NOMO2: variants seen among roughly 807,000 people sequenced by gnomAD.
The protein encoded by NOMO2 is BOS complex subunit NOMO2.
Under a neutral mutation model 67.1 loss-of-function variants are expected in NOMO2, and 14 were observed. That is an observed-to-expected ratio of 0.21 (90% CI 0.14 to 0.33). The LOEUF is 0.33. Ranked by LOEUF, NOMO2 falls within the 10% of genes least tolerant of loss-of-function variation. The pLI, the probability that NOMO2 is intolerant of heterozygous loss-of-function variation, is 1.00. For missense variants in NOMO2, 178 were observed against 761.0 expected (o/e 0.23, Z 9.01); for synonymous variants, 80 against 305.9 (o/e 0.26, Z 7.71).
intron 2 of NOMO2, among the ~76,000 whole-genome samples, chr16:18,557,111 A>G (rs1453611614): frequency 6.6e-6 from 1 of 151,904 alleles, no homozygotes; most frequent in Admixed American, 6.6e-5. Context: ...TGGGCGACAG[A>G]GCGAGACTCC....
At chr16:18,553,573 G>C (rs1901838405) in intron 3 of NOMO2, among the ~76,000 whole-genome samples, 1 of 150,828 alleles carries the variant, frequency 6.6e-6, no homozygotes, top group Admixed American at 6.6e-5. Context: ...CTGGTGAAGT[G>C]CTATCTTATC....
intron 15 of NOMO2, among the ~76,000 whole-genome samples, chr16:18,528,992 C>T (rs1335664801): frequency 0.015 from 185 of 12,240 alleles, 1 homozygote; most frequent in Admixed American, 0.021. Flanking sequence ...AAAAAAAATA[C>T]ATATATATAT....
intron 16 of NOMO2, among the ~76,000 whole-genome samples, chr16:18,525,040 G>A (rs920643170): frequency 9.4e-5 from 14 of 148,268 alleles, no homozygotes; most frequent in African/African-American, 3.5e-4. Context: ...CCGAGTAGGG[G>A]TACATTTCAT....
intron 11 of NOMO2, among the ~76,000 whole-genome samples, chr16:18,536,839 T>C (rs1443289172): frequency 1.3e-5 from 2 of 152,104 alleles, no homozygotes; most frequent in African/African-American, 4.8e-5. Flanking sequence ...GTAATTTGCT[T>C]CCCTGTCTTC....
intron 4 of NOMO2, among the ~76,000 whole-genome samples, chr16:18,550,794 C>G (rs1901767110): frequency 6.6e-6 from 1 of 152,074 alleles, no homozygotes; most frequent in South Asian, 2.1e-4. Flanking sequence ...ACAGGGACAG[C>G]AAGATGCCAC....
At chr16:18,528,946 C>T (rs1363983831) in intron 15 of NOMO2, among the ~76,000 whole-genome samples, 3 of 106,184 alleles carry the variant, frequency 2.8e-5, no homozygotes, top group Non-Finnish European at 5.7e-5. Flanking sequence ...CCAGCCTGGG[C>T]AACAGAGCAA....
At chr16:18,529,373 G>A (rs771867615) in intron 15 of NOMO2, 128 bp downstream of exon 15, 7 of 1,605,538 alleles carry the variant, frequency 4.4e-6, no homozygotes, top group Non-Finnish European at 4.3e-6. Context: ...GTAACAGGTG[G>A]GCGAGTGGAG....
intron 6 of NOMO2, among the ~76,000 whole-genome samples, chr16:18,544,836 G>A (rs146395266): frequency 0.063 from 9,335 of 149,090 alleles, 372 homozygotes; most frequent in East Asian, 0.21. Context: ...TTCTAAGCAC[G>A]CAGCACAGGG....
intron 6 of NOMO2, among the ~76,000 whole-genome samples, chr16:18,545,547 G>C (rs1354442359): frequency 1.4e-5 from 2 of 145,512 alleles, no homozygotes; most frequent in African/African-American, 5.0e-5. Flanking sequence ...AAAACAGATA[G>C]AGTAGAAGCT....
intron 9 of NOMO2, among the ~76,000 whole-genome samples, chr16:18,540,395 A>C (rs1484330257): frequency 6.6e-6 from 1 of 151,926 alleles, no homozygotes; most frequent in East Asian, 1.9e-4. Context: ...GAAAACAGTA[A>C]AGAATAAGAC....
chr16:18,536,794 G>A (rs1297228830), intron 11 of NOMO2, among the ~76,000 whole-genome samples: 3 of 152,150 alleles, frequency 2.0e-5, no homozygotes, highest in Non-Finnish European at 4.4e-5. Context: ...TATGGAAGGT[G>A]GGAAAGACTT....
chr16:18,561,857 C>A lies in NOMO2; in HGVS notation c.165+19G>T. The A allele has an allele frequency of 1.3e-6, 2 of 1,546,482 alleles. No homozygotes were observed. Among genetic ancestry groups the A allele is most frequent in the Non-Finnish European group, 1.7e-6 (2 of 1,146,276 alleles). On this transcript the variant is annotated intron_variant, in intron 1 of 30. Transcript: ENST00000622306. ...ACCGGCCCGGCGACTCGGCGCCGGG[C>A]GGCGGGGCGGGCGCTCACCTCGATG...
At chr16:18,535,727 C>A (rs1338529987) in intron 11 of NOMO2, among the ~76,000 whole-genome samples, 2 of 151,956 alleles carry the variant, frequency 1.3e-5, no homozygotes, top group African/African-American at 4.8e-5. Flanking sequence ...ATCCATTCTC[C>A]ACACAGCAGC....
intron 2 of NOMO2, among the ~76,000 whole-genome samples, 200 bp from the exon 3 acceptor site, chr16:18,555,052 A>G (rs2141756196): frequency 9.9e-6 from 1 of 101,060 alleles, no homozygotes; most frequent in East Asian, 2.8e-4. Context: ...AGAAGTTTTC[A>G]TCTAAACAAT....
rs1228009025 is a variant in NOMO2 at position 18,548,141 on chromosome 16, G to GT, written c.510-842dup. 1.1e-4 allele frequency among the ~76,000 whole-genome samples: 16 copies of GT among 139,634 alleles called. 2 individuals carry two copies. Among genetic ancestry groups the GT allele is most frequent in the Non-Finnish European group, 2.5e-4 (16 of 62,904 alleles). 91.6% of individuals were successfully genotyped at this position (139,634 alleles called of 152,430 possible). On this transcript the variant is annotated intron_variant, in intron 5 of 30. Transcript: ENST00000622306. ...GGAAATCACATTACTACAAGTATTG[G>GT]TAAGATTGAGCTTCTATTTCATTTT...
At chr16:18,549,343 G>A (rs1184506457) in intron 5 of NOMO2, among the ~76,000 whole-genome samples, 178 bp downstream of exon 5, 1 of 151,230 alleles carries the variant, frequency 6.6e-6, no homozygotes, top group African/African-American at 2.4e-5. Context: ...GGGTCAAATG[G>A]ATTCCATTTC....
Position 18,545,231 on chromosome 16 carries a change from G to A in NOMO2, c.583-1462C>T, listed in dbSNP as rs570050160. Among the ~76,000 whole-genome samples, 6 of 148,572 alleles carry A rather than the reference G, an allele frequency of 4.0e-5. No homozygotes were observed. The East Asian group carries it at 1.2e-3, about 29-fold the overall frequency. On this transcript the variant is annotated intron_variant, in intron 6 of 30. Coordinates refer to ENST00000622306, the MANE Select transcript of NOMO2 (RefSeq NM_173614.4). ...CTGCCTCAGCCTCCCGAGTAGCTGGGATTACAGGTGTATGCCACCATTCCT... is the reference window on the plus strand; with the variant it reads ...CTGCCTCAGCCTCCCGAGTAGCTGGAATTACAGGTGTATGCCACCATTCCT...
chr16:18,561,171 A>AT (rs1453942601), intron 1 of NOMO2, among the ~76,000 whole-genome samples: 18 of 103,344 alleles, frequency 1.7e-4, no homozygotes, highest in African/African-American at 5.3e-4. Flanking sequence ...TTACAACTTA[A>AT]TTAAAAAAAA....
Position 18,561,885 on chromosome 16 carries a change from C to T in NOMO2, c.156G>A (p.Ser52=). 1 of 1,563,076 alleles carries T rather than the reference C, an allele frequency of 6.4e-7. No individual in the cohort carries two copies. Among genetic ancestry groups the T allele is most frequent in the East Asian group, 2.4e-5 (1 of 41,376 alleles). Residue 52 remains serine (S), a synonymous_variant, in exon 1 of 31, where the codon TCG becomes TCA. Transcript: ENST00000622306. The stretch of plus-strand genomic sequence containing the variant: ...CGGGGCGGGCGCTCACCTCGATGAG[C>T]GAGTAGTTGATCTCCACGTCCGACT... The part of the protein sequence containing the change: ...FVKSDVEINY[S]LIEIKLYTKH...
Sources: gnomAD v4.1 joint callset for allele counts (sites outside exome capture counted in the v4.1 genomes callset) on GRCh38, gnomAD v4.1.1 for gene constraint, MANE v1.5 for transcripts, NCBI Gene and HGNC (gene_info 2026-07-23, HGNC 2026-07-21) for gene names.